SIN3B: variants seen among roughly 807,000 people sequenced by gnomAD.
SIN3B encodes the protein SIN3 transcription regulator family member B.
Under a neutral mutation model 120.2 loss-of-function variants are expected in SIN3B, and 19 were observed. The ratio of observed to expected loss-of-function variants is 0.16; its 90% CI spans 0.11 to 0.23. The LOEUF (loss-of-function observed/expected upper bound fraction) is 0.23. Ranked by LOEUF, SIN3B falls within the 10% of genes least tolerant of loss-of-function variation. SIN3B has a pLI of 1.00. For missense variants in SIN3B, 1,073 were observed against 1,573.0 expected (o/e 0.68, Z 5.38); for synonymous variants, 654 against 653.2 (o/e 1.00, Z -0.02).
chr19:16,858,484 G>A (rs948527649), intron 8 of SIN3B, among the ~76,000 whole-genome samples: 1 of 152,042 alleles, frequency 6.6e-6, no homozygotes, highest in Admixed American at 6.5e-5. Flanking sequence ...CAATTAGGTT[G>A]TTTCCTTTGT....
In SIN3B at chr19:16,877,633, T is replaced by C. The variant is rs1489443063; in HGVS notation, c.2948T>C (p.Leu983Pro). ...TEGFLLKPVFLQRNLKKFRRR... is the reference protein window; with the variant it reads ...TEGFLLKPVFPQRNLKKFRRR... ...GGCTTCCTCCTGAAACCTGTGTTCC[T>C]GCAGAGGTAAGAGGCCCTGAGATGC... Residue 983 changes from leucine (L) to proline (P), a missense_variant, in exon 17 of 19, where the codon CTG becomes CCG. By Grantham distance (98) the Leu-to-Pro change is moderately conservative. Around this residue, in one of 7 missense-constraint regions of SIN3B, gnomAD observed 311 missense variants for 400.3 expected, o/e 0.78. Coordinates refer to ENST00000248054, the MANE Select transcript of SIN3B (RefSeq NM_001297595.2). 1 of 1,607,274 alleles carries C rather than the reference T, an allele frequency of 6.2e-7. No homozygotes were observed. The highest frequency in any genetic ancestry group is 1.7e-5 in the Admixed American group (1 of 59,418).
chr19:16,835,892 T>G (rs1273856270), intron 3 of SIN3B, among the ~76,000 whole-genome samples: 1 of 152,186 alleles, frequency 6.6e-6, no homozygotes, highest in Non-Finnish European at 1.5e-5. Flanking sequence ...CCTCCTGCCT[T>G]GGCCTCCCAA....
At chr19:16,840,304 G>A (rs928999699) in intron 3 of SIN3B, among the ~76,000 whole-genome samples, 1 of 152,166 alleles carries the variant, frequency 6.6e-6, no homozygotes, top group Non-Finnish European at 1.5e-5. Context: ...TTATAAGAGA[G>A]GAGATTGGGA....
rs1333067493 is a variant in SIN3B, at chr19:16,862,186, A to C, written c.1059-166A>C. On this transcript the variant is annotated intron_variant, in intron 8 of 18. Coordinates refer to ENST00000248054, the MANE Select transcript of SIN3B (RefSeq NM_001297595.2). The surrounding 1 kb of genome is among the most constrained non-coding windows in gnomAD (Gnocchi z 4.7). The stretch of plus-strand genomic sequence containing the variant: ...TTCATTCACACACCCCGGGACTTGC[A>C]GTGACTTCCTGTGTATTGGATTCTT... Among the ~76,000 whole-genome samples the C allele has an allele frequency of 1.3e-5, 2 of 152,182 alleles. No individual in the cohort carries two copies. The highest frequency in any genetic ancestry group is 2.9e-5 in the Non-Finnish European group (2 of 68,032).
At position 16,876,447 on chromosome 19, in the gene SIN3B, G is replaced by C. The variant is rs747663437; in HGVS notation, c.2767-39G>C. 6.3e-7 allele frequency: 1 copy of C among 1,593,456 alleles called. No individual in the cohort carries two copies. Among genetic ancestry groups the C allele is most frequent in the South Asian group, 1.1e-5 (1 of 90,208 alleles). On this transcript the variant is annotated intron_variant, in intron 15 of 18. Coordinates refer to ENST00000248054, the MANE Select transcript of SIN3B (RefSeq NM_001297595.2). This position sits in a 1 kb window ranked among gnomAD's most constrained non-coding sequence, Gnocchi z 7.1. ...GAGCCTGCGCTGTGCCGGCTGGGCT[G>C]TGCCGGCAGTGGAGGCTGTCAGCGT...
chr19:16,853,769 G>A (rs1568418207), intron 7 of SIN3B, among the ~76,000 whole-genome samples: 1 of 150,784 alleles, frequency 6.6e-6, no homozygotes, highest in Admixed American at 6.6e-5. Context: ...CGCGTGCAGG[G>A]GCTGTGTGAA....
intron 8 of SIN3B, among the ~76,000 whole-genome samples, chr19:16,858,912 T>C (rs1383509963): frequency 6.6e-6 from 1 of 152,096 alleles, no homozygotes; most frequent in Non-Finnish European, 1.5e-5. Flanking sequence ...ATTGTACCAC[T>C]GCACTCTAGC....
chr19:16,866,522 G>A lies in SIN3B; in HGVS notation c.1772G>A (p.Ser591Asn). ...GACACCAAGGCCCTGCGCTCCAAGA[G>A]CTTGCTCAACGAGATCGAGAGCGTC... The part of the protein sequence containing the change: ...QNDTKALRSK[S>N]LLNEIESVYD... Residue 591 changes from serine (S) to asparagine (N), a missense_variant, in exon 12 of 19, where the codon AGC becomes AAC. Physicochemically the swap from Ser to Asn is conservative, Grantham distance 46. Around this residue, in one of 7 missense-constraint regions of SIN3B, gnomAD observed 118 missense variants for 281.6 expected, o/e 0.42. Transcript: ENST00000248054. 1 of 1,613,968 alleles carries A rather than the reference G, an allele frequency of 6.2e-7. No individual in the cohort carries two copies. Among genetic ancestry groups the A allele is most frequent in the South Asian group, 1.1e-5 (1 of 91,068 alleles).
chr19:16,842,113 A>C lies in SIN3B; in HGVS notation c.582+145A>C, dbSNP rs989715641. 5 of 790,156 alleles carry C rather than the reference A, an allele frequency of 6.3e-6. No individual in the cohort carries two copies. In the African/African-American group the frequency reaches 7.0e-5, roughly 11 times the overall value. The allele number at this position is 790,156 out of a possible 1,614,324, so 48.9% of individuals were successfully genotyped here. A position where few individuals can be genotyped will look rare whatever the true frequency, so the allele number is the denominator to read the frequency against. ...GGGTTTTTTGTTTGTTTTTTCTTAG[A>C]GTCTGGCTCTGTTACCCAGGCTGGA... is the stretch of plus-strand genomic sequence containing the variant. On this transcript the variant is annotated intron_variant, in intron 4 of 18. Coordinates refer to ENST00000248054, the MANE Select transcript of SIN3B (RefSeq NM_001297595.2).
At chr19:16,834,589 C>T (rs1232099767) in intron 3 of SIN3B, among the ~76,000 whole-genome samples, 1 of 152,130 alleles carries the variant, frequency 6.6e-6, no homozygotes, top group East Asian at 1.9e-4. Context: ...CCTTGGTCAT[C>T]GTGCTGCAGC....
rs533611104 is a variant in SIN3B, at chr19:16,862,996, C to A, written c.1266+437C>A. The A allele has an allele frequency of 3.8e-6, 6 of 1,592,414 alleles. No homozygotes were observed. The highest frequency in any genetic ancestry group is 1.7e-4 in the Middle Eastern group (1 of 6,026). On this transcript the variant is annotated intron_variant, in intron 9 of 18. Coordinates refer to ENST00000248054, the MANE Select transcript of SIN3B (RefSeq NM_001297595.2). The surrounding 1 kb of genome is among the most constrained non-coding windows in gnomAD (Gnocchi z 4.7). The stretch of plus-strand genomic sequence containing the variant: ...AGTGCAGGGGTCAGCAAACTCTGGC[C>A]CACGGGCCCTGGCCCGCTGCCCGTG...
chr19:16,836,969 T>C (rs4808530), intron 3 of SIN3B, among the ~76,000 whole-genome samples: 149,229 of 152,198 alleles, frequency 0.98, 73,341 homozygotes, highest in Middle Eastern at 1. Context: ...AGGCCCTGCT[T>C]TCAGGGTTCC....
At chr19:16,863,213 G>C in intron 9 of SIN3B, 1 of 536,998 alleles carries the variant, frequency 1.9e-6, no homozygotes, top group Non-Finnish European at 3.3e-6. Flanking sequence ...CTCCGGATCT[G>C]CAAGTTCCTC....
Position 16,880,328 on chromosome 19 carries a change from A to G in SIN3B, c.*1601A>G, listed in dbSNP as rs1387869161. The stretch of plus-strand genomic sequence containing the variant: ...TTCCTTTTCTATTTATTTGCACATT[A>G]AAGTTAATAATTGAATATTGACATC... On this transcript the variant is annotated 3_prime_UTR_variant, in exon 19 of 19. Transcript: ENST00000248054. 6.6e-6 allele frequency: 1 copy of G among 152,216 alleles called. No homozygotes were observed. Among genetic ancestry groups the G allele is most frequent in the Non-Finnish European group, 1.5e-5 (1 of 68,050 alleles). The allele number at this position is 152,216 out of a possible 1,614,324, so 9.4% of individuals were successfully genotyped here. A position where few individuals can be genotyped will look rare whatever the true frequency, so the allele number is the denominator to read the frequency against.
rs2051611732 is a variant in SIN3B, at chr19:16,876,595, A to G, written c.2859+17A>G. Reference sequence around the variant, plus strand: ...GAGGTCCAGGTGAGGCCCTGGCCCCAGTCTGTGCCACGCATACCAGGGAGC... The same window carrying G: ...GAGGTCCAGGTGAGGCCCTGGCCCCGGTCTGTGCCACGCATACCAGGGAGC... On this transcript the variant is annotated intron_variant, in intron 16 of 18. Coordinates refer to ENST00000248054, the MANE Select transcript of SIN3B (RefSeq NM_001297595.2). This position sits in a 1 kb window ranked among gnomAD's most constrained non-coding sequence, Gnocchi z 7.1. 1 of 1,601,308 alleles carries G rather than the reference A, an allele frequency of 6.2e-7. No homozygotes were observed. Among genetic ancestry groups the G allele is most frequent in the African/African-American group, 1.3e-5 (1 of 74,646 alleles).
chr19:16,876,057 G>A lies in SIN3B; in HGVS notation c.2595G>A (p.Leu865=). The change falls in exon 15 of 19, where the codon CTG becomes CTA. Residue 865 remains leucine (L), a splice_region_variant and synonymous_variant. Coordinates refer to ENST00000248054, the MANE Select transcript of SIN3B (RefSeq NM_001297595.2). This position sits in a 1 kb window ranked among gnomAD's most constrained non-coding sequence, Gnocchi z 7.1. Reference sequence around the variant, plus strand: ...ACCACCTGCTTTCCTCCCGCCAGCTGCACCACCTCGTGAGCGATGACGTCT... The same window carrying A: ...ACCACCTGCTTTCCTCCCGCCAGCTACACCACCTCGTGAGCGATGACGTCT... ...DKLVQNIARQ[L]HHLVSDDVCL... is the part of the protein sequence containing the mutation. 1 of 1,553,416 alleles carries A rather than the reference G, an allele frequency of 6.4e-7. No homozygotes were observed. The highest frequency in any genetic ancestry group is 8.7e-7 in the Non-Finnish European group (1 of 1,147,576).
chr19:16,842,623 T>C (rs1971432446), intron 4 of SIN3B, among the ~76,000 whole-genome samples: 1 of 152,148 alleles, frequency 6.6e-6, no homozygotes, highest in African/African-American at 2.4e-5. Context: ...AATACGGCCA[T>C]CCTTTACTTT....
At chr19:16,837,929 T>C (rs908111171) in intron 3 of SIN3B, among the ~76,000 whole-genome samples, 1 of 152,088 alleles carries the variant, frequency 6.6e-6, no homozygotes, top group African/African-American at 2.4e-5. Flanking sequence ...TGTTAATCAG[T>C]ACCCAGGCGG....
At position 16,829,444 on chromosome 19, in the gene SIN3B, C is replaced by A; in HGVS notation, c.24C>A (p.Ser8Arg). The change falls in exon 1 of 19, where the codon AGC becomes AGA. Residue 8 changes from serine to arginine, a missense_variant. Physicochemically the swap from Ser to Arg is moderately radical, Grantham distance 110. Around this residue, in one of 7 missense-constraint regions of SIN3B, gnomAD observed 395 missense variants for 528.0 expected, o/e 0.75. Coordinates refer to ENST00000248054, the MANE Select transcript of SIN3B (RefSeq NM_001297595.2). Reference sequence around the variant, plus strand: ...ACATGGCGCACGCTGGCGGTGGCAGCGGTGGCAGCGGTGCCGGCGGCCCCG... The same window carrying A: ...ACATGGCGCACGCTGGCGGTGGCAGAGGTGGCAGCGGTGCCGGCGGCCCCG... MAHAGGGSGGSGAGGPAG... is the reference protein window; with the variant it reads MAHAGGGRGGSGAGGPAG... 1 of 1,211,572 alleles carries A rather than the reference C, an allele frequency of 8.3e-7. No individual in the cohort carries two copies. The highest frequency in any genetic ancestry group is 1.0e-6 in the Non-Finnish European group (1 of 974,704). The allele number at this position is 1,211,572 out of a possible 1,614,324, so 75.1% of individuals were successfully genotyped here. A position where few individuals can be genotyped will look rare whatever the true frequency, so the allele number is the denominator to read the frequency against.
Sources: gnomAD v4.1 joint callset for allele counts (sites outside exome capture counted in the v4.1 genomes callset) on GRCh38, gnomAD v4.1.1 for gene constraint, gnomAD v4.1.1 regional missense constraint, Gnocchi (gnomAD v3.1) non-coding constraint, MANE v1.5 for transcripts, NCBI Gene and HGNC (gene_info 2026-07-23, HGNC 2026-07-21) for gene names.